ELL: variants seen among roughly 807,000 people sequenced by gnomAD.
ELL encodes elongation factor for RNA polymerase II.
In ELL, 18 loss-of-function variants were observed where a neutral mutation model predicts 64.0. The ratio of observed to expected loss-of-function variants is 0.28; its 90% CI spans 0.19 to 0.42. The LOEUF (loss-of-function observed/expected upper bound fraction) is 0.42, where lower values mean the gene tolerates loss of function less well. Ranked by LOEUF, ELL falls within the 10% of genes least tolerant of loss-of-function variation. The pLI is 1.00. For missense variants in ELL, 797 were observed against 870.4 expected (o/e 0.92, Z 1.06); for synonymous variants, 399 against 376.2 (o/e 1.06, Z -0.70).
intron 1 of ELL, among the ~76,000 whole-genome samples, chr19:18,486,851 T>A (rs1975429088): frequency 6.6e-6 from 1 of 152,138 alleles, no homozygotes; most frequent in African/African-American, 2.4e-5. Context: ...CCTTCCCAGT[T>A]TGAACCTGCA....
Position 18,465,904 on chromosome 19 carries a change from G to C in ELL, c.198C>G (p.Pro66=). The C allele has an allele frequency of 7.5e-7, 1 of 1,325,934 alleles. No individual in the cohort carries two copies. Among genetic ancestry groups the C allele is most frequent in the Non-Finnish European group, 9.7e-7 (1 of 1,029,768 alleles). The allele number at this position is 1,325,934 out of a possible 1,614,324, so 82.1% of individuals were successfully genotyped here. Residue 66 remains proline (P), a synonymous_variant, in exon 3 of 12, where the codon CCC becomes CCG. Transcript: ENST00000262809. Reference sequence around the variant, plus strand: ...GCGCCTCTGCGGGGCAGTCAGGCTGGGGGATGGAGATGTGCTGCGTGGAGG... The same window carrying C: ...GCGCCTCTGCGGGGCAGTCAGGCTGCGGGATGGAGATGTGCTGCGTGGAGG... ...FQGSQGHISI[P]QPDCPAEART... is the part of the protein sequence containing the mutation.
intron 1 of ELL, among the ~76,000 whole-genome samples, chr19:18,520,980 G>A (rs1309882726): frequency 6.6e-6 from 1 of 151,994 alleles, no homozygotes; most frequent in Non-Finnish European, 1.5e-5. Context: ...CACGGCCCCA[G>A]ATGCGCCCCA....
chr19:18,480,254 C>T (rs1006555878), intron 1 of ELL, among the ~76,000 whole-genome samples: 17 of 152,180 alleles, frequency 1.1e-4, no homozygotes, highest in Admixed American at 5.9e-4. Flanking sequence ...GATTGGGAAA[C>T]GCTATTCAGG....
At chr19:18,520,716 C>T (rs1976248986) in intron 1 of ELL, among the ~76,000 whole-genome samples, 1 of 148,176 alleles carries the variant, frequency 6.7e-6, no homozygotes, top group African/African-American at 2.5e-5. Context: ...CGCGGCACCC[C>T]CCCACCCCCA....
intron 1 of ELL, among the ~76,000 whole-genome samples, chr19:18,477,172 G>C (rs1431038064): frequency 1.3e-5 from 2 of 152,194 alleles, no homozygotes; most frequent in Non-Finnish European, 2.9e-5. Context: ...TATCGTGAGA[G>C]AGCCACGAGG....
chr19:18,514,070 G>A (rs1338128295), intron 1 of ELL, among the ~76,000 whole-genome samples: 1 of 152,200 alleles, frequency 6.6e-6, no homozygotes, highest in East Asian at 1.9e-4. Context: ...ACTTGGTCAG[G>A]AGGGTCCAGC....
At chr19:18,444,930 G>T in intron 11 of ELL, 62 bp from the exon 12 acceptor site, 1 of 1,532,240 alleles carries the variant, frequency 6.5e-7, no homozygotes, top group Non-Finnish European at 8.9e-7. Flanking sequence ...CCCGCTGTAA[G>T]CAGGCCAGTG....
At chr19:18,465,317 G>A in intron 4 of ELL, 95 bp downstream of exon 4, 1 of 1,470,426 alleles carries the variant, frequency 6.8e-7, no homozygotes, top group Non-Finnish European at 9.0e-7. Context: ...TTCTGTGCAG[G>A]GCACAGCCAG....
intron 1 of ELL, among the ~76,000 whole-genome samples, chr19:18,496,792 C>T (rs1452562170): frequency 6.6e-6 from 1 of 152,204 alleles, no homozygotes; most frequent in Non-Finnish European, 1.5e-5. Flanking sequence ...CCACTATGGG[C>T]AAACATCACT....
intron 1 of ELL, among the ~76,000 whole-genome samples, chr19:18,498,937 G>A (rs566167228): frequency 1.4e-5 from 2 of 147,746 alleles, no homozygotes; most frequent in Admixed American, 6.7e-5. Flanking sequence ...GCAACAGAGC[G>A]AGACTCCTTC....
intron 1 of ELL, among the ~76,000 whole-genome samples, chr19:18,510,571 C>T (rs1975997924): frequency 6.6e-6 from 1 of 152,250 alleles, no homozygotes; most frequent in East Asian, 1.9e-4. Flanking sequence ...TCACCTGTGA[C>T]CAGGTGACTC....
intron 1 of ELL, among the ~76,000 whole-genome samples, chr19:18,513,787 C>T (rs1170072773): frequency 1.3e-5 from 2 of 151,864 alleles, no homozygotes; most frequent in African/African-American, 4.8e-5. Context: ...AAAAATTAGC[C>T]GGGCGTGGTG....
intron 1 of ELL, among the ~76,000 whole-genome samples, chr19:18,495,296 CGGGAGCATCTGG>C (rs1975624938): frequency 2.0e-5 from 3 of 152,042 alleles, no homozygotes; most frequent in Non-Finnish European, 4.4e-5. Context: ...TGACAAGGCT[CGGGAGCATCTGG>C]GGGAGGGCCT....
intron 8 of ELL, among the ~76,000 whole-genome samples, chr19:18,447,370 C>A (rs775556699): frequency 2.6e-5 from 4 of 152,270 alleles, no homozygotes; most frequent in Non-Finnish European, 5.9e-5. Context: ...TGTGCCCCAC[C>A]CAGATCATCC....
At chr19:18,507,017 GC>G (rs1176686187) in intron 1 of ELL, among the ~76,000 whole-genome samples, 3 of 152,172 alleles carry the variant, frequency 2.0e-5, no homozygotes, top group African/African-American at 7.2e-5. Context: ...ACCAGTGGGA[GC>G]CTGTGCACAG....
chr19:18,496,284 T>G (rs1975652336), intron 1 of ELL, among the ~76,000 whole-genome samples: 1 of 152,008 alleles, frequency 6.6e-6, no homozygotes, highest in Non-Finnish European at 1.5e-5. Context: ...CCCCAAGAGG[T>G]GGCCGGGCCA....
At chr19:18,516,907 G>T (rs1976143536) in intron 1 of ELL, among the ~76,000 whole-genome samples, 1 of 152,162 alleles carries the variant, frequency 6.6e-6, no homozygotes, top group African/African-American at 2.4e-5. Context: ...GAGGCAGGTG[G>T]AGCTGAGATT....
intron 1 of ELL, among the ~76,000 whole-genome samples, chr19:18,508,466 C>G (rs991058322): frequency 2.6e-5 from 4 of 152,216 alleles, no homozygotes; most frequent in Non-Finnish European, 5.9e-5. Flanking sequence ...TCTAGATGTC[C>G]CATTAGTGAA....
Position 18,444,664 on chromosome 19 carries a change from T to A in ELL, c.*88A>T. The A allele has an allele frequency of 7.2e-7, 1 of 1,390,270 alleles. No individual in the cohort carries two copies. The highest frequency in any genetic ancestry group is 9.7e-7 in the Non-Finnish European group (1 of 1,025,858). The allele number at this position is 1,390,270 out of a possible 1,614,324, so 86.1% of individuals were successfully genotyped here. On this transcript the variant is annotated 3_prime_UTR_variant, in exon 12 of 12. Transcript: ENST00000262809. Reference sequence around the variant, plus strand: ...GGCGGTGCTGGCTCAGATGAGCATCTTCCTCGGGTTTATTTTTTTAAATAA... The same window carrying A: ...GGCGGTGCTGGCTCAGATGAGCATCATCCTCGGGTTTATTTTTTTAAATAA...
Sources: gnomAD v4.1 joint callset for allele counts (sites outside exome capture counted in the v4.1 genomes callset) on GRCh38, gnomAD v4.1.1 for gene constraint, MANE v1.5 for transcripts, NCBI Gene and HGNC (gene_info 2026-07-23, HGNC 2026-07-21) for gene names.